CTIF: variants seen among roughly 807,000 people sequenced by gnomAD.
CTIF encodes cap binding complex dependent translation initiation factor, also known as CBP80/20-dependent translation initiation factor.
In CTIF, 21 loss-of-function variants were observed where a neutral mutation model predicts 66.0. The ratio of observed to expected loss-of-function variants is 0.32; its 90% CI spans 0.23 to 0.46. The LOEUF is 0.46. CTIF is among the 20% of genes least tolerant of loss of function. The pLI, the probability that CTIF is intolerant of heterozygous loss-of-function variation, is 1.00. For missense variants in CTIF, 739 were observed against 812.7 expected (o/e 0.91, Z 1.10); for synonymous variants, 345 against 326.4 (o/e 1.06, Z -0.62).
chr18:48,578,304 G>T (rs1599174259), intron 1 of CTIF, among the ~76,000 whole-genome samples: 1 of 152,188 alleles, frequency 6.6e-6, no homozygotes, highest in South Asian at 2.1e-4. Flanking sequence ...ACAGGTCTTT[G>T]TGTGGATGTA....
intron 9 of CTIF, among the ~76,000 whole-genome samples, chr18:48,764,981 T>C (rs1013947308): frequency 7.9e-5 from 12 of 152,214 alleles, no homozygotes; most frequent in Admixed American, 7.9e-4. Context: ...GAACCACATC[T>C]GGCTGAGCCT....
chr18:48,706,581 A>G (rs1478402699), intron 6 of CTIF, among the ~76,000 whole-genome samples: 4 of 152,142 alleles, frequency 2.6e-5, no homozygotes, highest in African/African-American at 9.7e-5. Flanking sequence ...TCTGGGGCTC[A>G]TGTTCTGGGG....
chr18:48,857,603 G>A lies in CTIF; in HGVS notation c.1543G>A (p.Asp515Asn). ...TCTTCCACAGCTCTTGCAATCTCAG[G>A]ATGTGAAGGAAGATGCTGTCCTTTG... ...TCLRELLQSQDVKEDAVLCCS... is the reference protein window; with the variant it reads ...TCLRELLQSQNVKEDAVLCCS... The change falls in exon 11 of 12, where the codon GAT becomes AAT. Residue 515 changes from aspartate (D) to asparagine (N), a missense_variant. Physicochemically the swap from Asp to Asn is conservative, Grantham distance 23. This residue lies in a region of CTIF where 210 missense variants were observed against 292.3 expected (regional missense o/e 0.72). Coordinates refer to ENST00000256413, the MANE Select transcript of CTIF (RefSeq NM_014772.3). 1.2e-6 allele frequency: 2 copies of A among 1,608,860 alleles called. No individual in the cohort carries two copies. Among genetic ancestry groups the A allele is most frequent in the African/African-American group, 1.3e-5 (1 of 74,810 alleles).
intron 6 of CTIF, among the ~76,000 whole-genome samples, chr18:48,706,005 A>G (rs1165879657): frequency 6.6e-6 from 1 of 152,266 alleles, no homozygotes; most frequent in South Asian, 2.1e-4. Context: ...CATCAGGTGC[A>G]CTGTTGCATG....
At chr18:48,588,142 C>A (rs893452203) in intron 1 of CTIF, among the ~76,000 whole-genome samples, 2 of 152,222 alleles carry the variant, frequency 1.3e-5, no homozygotes, top group African/African-American at 2.4e-5. Context: ...ATTACTGGGA[C>A]CCTCCTAAGT....
At chr18:48,806,337 C>A (rs1407753528) in intron 9 of CTIF, among the ~76,000 whole-genome samples, 1 of 152,184 alleles carries the variant, frequency 6.6e-6, no homozygotes, top group Non-Finnish European at 1.5e-5. Flanking sequence ...TGGTCTGTCC[C>A]TCCCACATGT....
intron 6 of CTIF, among the ~76,000 whole-genome samples, chr18:48,686,893 C>T (rs2091849515): frequency 6.6e-6 from 1 of 152,166 alleles, no homozygotes; most frequent in Non-Finnish European, 1.5e-5. Flanking sequence ...CCCACTCCTC[C>T]TTCGTTTACT....
At chr18:48,682,427 C>T (rs940509464) in intron 6 of CTIF, among the ~76,000 whole-genome samples, 1 of 152,168 alleles carries the variant, frequency 6.6e-6, no homozygotes, top group Non-Finnish European at 1.5e-5. Flanking sequence ...CTATCTTCAC[C>T]CCAGTGAACC....
intron 1 of CTIF, among the ~76,000 whole-genome samples, chr18:48,544,310 G>A: frequency 6.6e-6 from 1 of 152,246 alleles, no homozygotes; most frequent in East Asian, 1.9e-4. Flanking sequence ...CTGTGAGGCA[G>A]TTGTTGTTAT....
At chr18:48,694,160 G>A (rs1370326811) in intron 6 of CTIF, among the ~76,000 whole-genome samples, 1 of 152,196 alleles carries the variant, frequency 6.6e-6, no homozygotes, top group Non-Finnish European at 1.5e-5. Context: ...GTTGCCCTAG[G>A]GTGCCCGGCA....
intron 2 of CTIF, among the ~76,000 whole-genome samples, chr18:48,622,211 G>T (rs548043235): frequency 6.6e-6 from 1 of 152,242 alleles, no homozygotes; most frequent in South Asian, 2.1e-4. Flanking sequence ...CAGGTGGTAG[G>T]GTCAGTGGAT....
chr18:48,855,683 G>A (rs1345572233), intron 10 of CTIF, among the ~76,000 whole-genome samples: 2 of 152,220 alleles, frequency 1.3e-5, no homozygotes, highest in African/African-American at 2.4e-5. Context: ...CCAGGATGAC[G>A]CATCAGGACG....
At chr18:48,760,168 C>G (rs2145878158) in intron 8 of CTIF, 1 of 152,238 alleles carries the variant, frequency 6.6e-6, no homozygotes, top group African/African-American at 2.4e-5. Flanking sequence ...ATTCCTTCAC[C>G]CAGGATTCAG....
In CTIF at chr18:48,761,982, G is replaced by C. The variant is rs150859279; in HGVS notation, c.1371+293G>C. 5.9e-3 allele frequency among the ~76,000 whole-genome samples: 892 copies of C among 152,278 alleles called. 12 individuals are homozygous for C. The highest frequency in any genetic ancestry group is 0.021 in the African/African-American group (859 of 41,550). On this transcript the variant is annotated intron_variant, in intron 9 of 11. Coordinates refer to ENST00000256413, the MANE Select transcript of CTIF (RefSeq NM_014772.3). The surrounding 1 kb of genome is among the most constrained non-coding windows in gnomAD (Gnocchi z 4.2). ...CTATTTTCATAAGAGGCTGGCTCTT[G>C]GTCTCAACCTGGCTATGTGCTTTGA...
chr18:48,647,150 G>A (rs1041884244), intron 3 of CTIF, among the ~76,000 whole-genome samples: 1 of 152,196 alleles, frequency 6.6e-6, no homozygotes, highest in Non-Finnish European at 1.5e-5. Context: ...GCAGCAGCCT[G>A]GAGGAGTCTC....
At chr18:48,720,987 G>A (rs751403650) in intron 7 of CTIF, among the ~76,000 whole-genome samples, 17 of 152,184 alleles carry the variant, frequency 1.1e-4, no homozygotes, top group Admixed American at 4.6e-4. Context: ...ACATCCACGC[G>A]GGGGACAAAT....
intron 1 of CTIF, among the ~76,000 whole-genome samples, chr18:48,568,831 T>G (rs1316338704): frequency 6.6e-6 from 1 of 152,040 alleles, no homozygotes; most frequent in African/African-American, 2.4e-5. Context: ...ACTTATTCAC[T>G]GTCACAAGAA....
At chr18:48,755,182 G>T (rs1381884618) in intron 7 of CTIF, among the ~76,000 whole-genome samples, 1 of 152,158 alleles carries the variant, frequency 6.6e-6, no homozygotes, top group African/African-American at 2.4e-5. Flanking sequence ...TATCTGCCAG[G>T]GAATTTCCAA....
At chr18:48,623,947 G>A (rs1469587423) in intron 2 of CTIF, among the ~76,000 whole-genome samples, 1 of 152,130 alleles carries the variant, frequency 6.6e-6, no homozygotes, top group East Asian at 1.9e-4. Flanking sequence ...AAGATAGATA[G>A]ATAGATCAGT....
Sources: gnomAD v4.1 joint callset for allele counts (sites outside exome capture counted in the v4.1 genomes callset) on GRCh38, gnomAD v4.1.1 for gene constraint, gnomAD v4.1.1 regional missense constraint, Gnocchi (gnomAD v3.1) non-coding constraint, MANE v1.5 for transcripts, NCBI Gene and HGNC (gene_info 2026-07-23, HGNC 2026-07-21) for gene names.